The following LRP1 variants were observed in gnomAD, a reference collection of about 807,000 sequenced individuals.
LRP1 encodes LDL receptor related protein 1.
In LRP1, 51 loss-of-function variants were observed where a neutral mutation model predicts 541.5. The ratio of observed to expected loss-of-function variants is 0.09; its 90% CI spans 0.08 to 0.12. The LOEUF (loss-of-function observed/expected upper bound fraction) is 0.12, where lower values mean the gene tolerates loss of function less well. Among genes scored for constraint, LRP1 ranks in the 10% least tolerant of loss-of-function variants. The pLI is 1.00. For missense variants in LRP1, 3,878 were observed against 6,376.2 expected (o/e 0.61, Z 13.34); for synonymous variants, 2,219 against 2,470.8 (o/e 0.90, Z 3.02).
Position 57,128,648 on chromosome 12 carries a change from C to T in LRP1, c.-317C>T. ...TCCTCCCAATTGTGCATTTTTGCAG[C>T]CGGAGGCGGCTCCGAGATGGGGCTG... On this transcript the variant is annotated 5_prime_UTR_variant, in exon 1 of 89. Coordinates refer to ENST00000243077, the MANE Select transcript of LRP1 (RefSeq NM_002332.3). 1 of 412,296 alleles carries T rather than the reference C, an allele frequency of 2.4e-6. No individual in the cohort carries two copies. Among genetic ancestry groups the T allele is most frequent in the Non-Finnish European group, 4.3e-6 (1 of 232,788 alleles). The allele number at this position is 412,296 out of a possible 1,614,324, so 25.5% of individuals were successfully genotyped here. A position where few individuals can be genotyped will look rare whatever the true frequency, so the allele number is the denominator to read the frequency against.
At position 57,194,560 on chromosome 12, in the gene LRP1, C is replaced by T. The variant is rs1213598741; in HGVS notation, c.8069-17C>T. The T allele has an allele frequency of 6.2e-7, 1 of 1,612,504 alleles. No homozygotes were observed. Among genetic ancestry groups the T allele is most frequent in the African/African-American group, 1.3e-5 (1 of 74,912 alleles). On this transcript the variant is annotated splice_polypyrimidine_tract_variant and intron_variant, in intron 49 of 88. Coordinates refer to ENST00000243077, the MANE Select transcript of LRP1 (RefSeq NM_002332.3). ...GCCTGCGGTGAGCAGGGCCCTCACA[C>T]CTGCCTCGCCCCCCAGGTGTGAAAC...
At position 57,156,715 on chromosome 12, in the gene LRP1, C is replaced by T; in HGVS notation, c.1418-62C>T. ...AGGGGGTGTGGTCAGATTCAGGAAG[C>T]CTTCTCAAGGCCTGGCACAGGGGCT... On this transcript the variant is annotated intron_variant, in intron 9 of 88. Transcript: ENST00000243077. The surrounding 1 kb of genome is among the most constrained non-coding windows in gnomAD (Gnocchi z 5.2). 1.3e-6 allele frequency: 2 copies of T among 1,518,964 alleles called. No homozygotes were observed. The highest frequency in any genetic ancestry group is 2.3e-5 in the East Asian group (1 of 43,524). The allele number at this position is 1,518,964 out of a possible 1,614,324, so 94.1% of individuals were successfully genotyped here.
At chr12:57,192,742 A>G (rs1235018961) in intron 44 of LRP1, 103 bp from the exon 45 acceptor site, 3 of 1,500,456 alleles carry the variant, frequency 2.0e-6, no homozygotes, top group Non-Finnish European at 2.8e-6. Context: ...GACTGAGCAG[A>G]GGCTTGGGAG....
Position 57,197,373 on chromosome 12 carries a change from T to C in LRP1, c.9151T>C (p.Leu3051=), listed in dbSNP as rs781396034. 1 of 1,612,774 alleles carries C rather than the reference T, an allele frequency of 6.2e-7. No individual in the cohort carries two copies. The highest frequency in any genetic ancestry group is 8.5e-7 in the Non-Finnish European group (1 of 1,179,148). The part of the protein sequence containing the change: ...KLNLDGSNYT[L]LKQGLNNAVA... ...CAACCTGGACGGGTCCAACTACACG[T>C]TACTTAAGCAGGTACCAAACCCAGG... The change falls in exon 57 of 89, where the codon TTA becomes CTA. Residue 3051 remains leucine, a synonymous_variant. Coordinates refer to ENST00000243077, the MANE Select transcript of LRP1 (RefSeq NM_002332.3). This position sits in a 1 kb window ranked among gnomAD's most constrained non-coding sequence, Gnocchi z 4.5.
intron 1 of LRP1, among the ~76,000 whole-genome samples, chr12:57,137,849 A>G (rs4367982): frequency 0.38 from 56,751 of 151,148 alleles, 10,898 homozygotes; most frequent in Admixed American, 0.47. Context: ...TACCCTGCCC[A>G]TTCCTGCCCA....
chr12:57,211,489 G>A lies in LRP1; in HGVS notation c.13094G>A (p.Cys4365Tyr), dbSNP rs2036914627. 6.2e-7 allele frequency: 1 copy of A among 1,613,528 alleles called. No individual in the cohort carries two copies. The highest frequency in any genetic ancestry group is 1.3e-5 in the African/African-American group (1 of 74,930). The change falls in exon 85 of 89, where the codon TGC becomes TAC. Residue 4365 changes from cysteine (C) to tyrosine (Y), a missense_variant and splice_region_variant. Cys to Tyr is a radical substitution (Grantham distance 194). Around this residue, in one of 13 missense-constraint regions of LRP1, gnomAD observed 871 missense variants for 1,212.4 expected, o/e 0.72. Transcript: ENST00000243077. The surrounding 1 kb of genome is among the most constrained non-coding windows in gnomAD (Gnocchi z 4.3). ...CAGCCTCTGATTCCTTCCTGCAGCT[G>A]CACGGATGGCCGGGTGGCCCCCAGC... The part of the protein sequence containing the change: ...NKQSGDVTCN[C>Y]TDGRVAPSCL...
intron 6 of LRP1, among the ~76,000 whole-genome samples, chr12:57,152,494 A>G (rs1167030794): frequency 6.6e-6 from 1 of 151,968 alleles, no homozygotes; most frequent in African/African-American, 2.4e-5. Flanking sequence ...TTTCCTTTGG[A>G]GGCAGCCCAG....
Position 57,211,054 on chromosome 12 carries a change from A to G in LRP1, c.12917-122A>G. 1.4e-6 allele frequency: 2 copies of G among 1,382,656 alleles called. No individual in the cohort carries two copies. The highest frequency in any genetic ancestry group is 2.0e-6 in the Non-Finnish European group (2 of 1,008,256). 85.6% of individuals were successfully genotyped at this position (1,382,656 alleles called of 1,614,324 possible). On this transcript the variant is annotated intron_variant, in intron 83 of 88. Transcript: ENST00000243077. This position sits in a 1 kb window ranked among gnomAD's most constrained non-coding sequence, Gnocchi z 4.3. ...CGCTTCCCCACAAAGGTGCTGGCAC[A>G]CTTCCCCTGAGGCAGTGCACCCCCT...
At chr12:57,143,146 C>T (rs958038197) in intron 3 of LRP1, among the ~76,000 whole-genome samples, 1 of 152,146 alleles carries the variant, frequency 6.6e-6, no homozygotes, top group Non-Finnish European at 1.5e-5. Context: ...ACCAGTTTTG[C>T]TCCTCCTTCC....
chr12:57,190,434 C>A (rs1053329417), intron 42 of LRP1, among the ~76,000 whole-genome samples: 14 of 152,236 alleles, frequency 9.2e-5, no homozygotes, highest in African/African-American at 3.4e-4. Flanking sequence ...AACTGAGGCA[C>A]AGGGCAGTTG....
At position 57,209,735 on chromosome 12, in the gene LRP1, C is replaced by G. The variant is rs776577505; in HGVS notation, c.12306C>G (p.Ile4102Met). Residue 4102 changes from isoleucine (I) to methionine (M), a missense_variant, in exon 80 of 89, where the codon ATC becomes ATG. Transcript: ENST00000243077. The stretch of plus-strand genomic sequence containing the variant: ...GCATCGACGTCTTTGAGGATTACAT[C>G]TATGGTGTCACCTACATCAATAATC... ...PFSIDVFEDY[I>M]YGVTYINNRV... 1 of 1,614,224 alleles carries G rather than the reference C, an allele frequency of 6.2e-7. No individual in the cohort carries two copies. Among genetic ancestry groups the G allele is most frequent in the South Asian group, 1.1e-5 (1 of 91,090 alleles).
In LRP1 at chr12:57,161,037, C is replaced by T. The variant is rs1280629993; in HGVS notation, c.2124C>T (p.Ile708=). 5 of 1,613,892 alleles carry T rather than the reference C, an allele frequency of 3.1e-6. No individual in the cohort carries two copies. The Admixed American group carries it at 6.7e-5, about 22-fold the overall frequency. Residue 708 remains isoleucine (I), a synonymous_variant, in exon 13 of 89, where the codon ATC becomes ATT. Transcript: ENST00000243077. The stretch of plus-strand genomic sequence containing the variant: ...GGCCCAATGGGCTAAGCCTGGACAT[C>T]CCGGCTGGGCGCCTCTACTGGGTGG... ...VLWPNGLSLD[I]PAGRLYWVDA...
Position 57,176,030 on chromosome 12 carries a change from C to T in LRP1, c.3915C>T (p.His1305=), listed in dbSNP as rs1188308224. 6.2e-7 allele frequency: 1 copy of T among 1,614,234 alleles called. No individual in the cohort carries two copies. The highest frequency in any genetic ancestry group is 8.5e-7 in the Non-Finnish European group (1 of 1,180,042). The change falls in exon 24 of 89, where the codon CAC becomes CAT. Residue 1305 remains histidine, a synonymous_variant. Coordinates refer to ENST00000243077, the MANE Select transcript of LRP1 (RefSeq NM_002332.3). ...GCAACACCATCGCCCTGGACTTCCA[C>T]CTCAGCCAGAGCGCCCTCTACTGGA... The part of the protein sequence containing the change: ...GLRNTIALDF[H]LSQSALYWTD...
intron 44 of LRP1, among the ~76,000 whole-genome samples, chr12:57,192,617 C>G (rs2036437292): frequency 6.6e-6 from 1 of 152,226 alleles, no homozygotes; most frequent in Non-Finnish European, 1.5e-5. Flanking sequence ...GGTGCCCTGC[C>G]TAAAAGCACA....
At chr12:57,129,140 A>C in intron 1 of LRP1, 109 bp downstream of exon 1, 1 of 1,186,418 alleles carries the variant, frequency 8.4e-7, no homozygotes, top group Non-Finnish European at 1.2e-6. Flanking sequence ...GCCTTTTGTT[A>C]TCCCAGTCCA....
In LRP1 at chr12:57,209,199, G is replaced by A; in HGVS notation, c.12262G>A (p.Gly4088Ser). The change falls in exon 79 of 89, where the codon GGC (glycine) becomes AGC (serine). Residue 4088 changes from glycine to serine, a missense_variant and splice_region_variant. Physicochemically the swap from Gly to Ser is moderately conservative, Grantham distance 56. Transcript: ENST00000243077. ...CATTGTGGCTGCTGACAGCAAACGA[G>A]GTCAGAGCCCGGCATAAGTCGCAGT... Reference protein sequence around the residue: ...DPIVAADSKRGLSHPFSIDVF... With the variant: ...DPIVAADSKRSLSHPFSIDVF... 6.8e-6 allele frequency: 11 copies of A among 1,613,086 alleles called. No individual in the cohort carries two copies. Among genetic ancestry groups the A allele is most frequent in the Non-Finnish European group, 9.3e-6 (11 of 1,179,252 alleles).
Position 57,167,525 on chromosome 12 carries a change from G to A in LRP1, c.2995+1G>A. ...AACATCAACTGGAGATGCGACAATG[G>A]TAAGAGCTTGCTCTCCTCACCTGCT... On this transcript the variant is annotated splice_donor_variant, in intron 19 of 88. Transcript: ENST00000243077. LOFTEE classifies it high-confidence loss of function. 1 of 1,613,204 alleles carries A rather than the reference G, an allele frequency of 6.2e-7. No individual in the cohort carries two copies. Among genetic ancestry groups the A allele is most frequent in the Non-Finnish European group, 8.5e-7 (1 of 1,179,160 alleles).
Position 57,163,047 on chromosome 12 carries a change from G to A in LRP1, c.2530+64G>A, listed in dbSNP as rs35791804. The A allele has an allele frequency of 4.8e-3, 7,337 of 1,527,510 alleles. 321 individuals carry two copies. In the African/African-American group the frequency reaches 0.088, roughly 18 times the overall value. The allele number at this position is 1,527,510 out of a possible 1,614,324, so 94.6% of individuals were successfully genotyped here. On this transcript the variant is annotated intron_variant, in intron 15 of 88. Coordinates refer to ENST00000243077, the MANE Select transcript of LRP1 (RefSeq NM_002332.3). ...CCCATCAGGAGGATGCCGAAGAGTG[G>A]GGAGGGGAGGATCCAGGGTCCCAGT...
At chr12:57,171,396 G>A (rs559462706) in intron 20 of LRP1, among the ~76,000 whole-genome samples, 22 of 152,278 alleles carry the variant, frequency 1.4e-4, no homozygotes, top group Middle Eastern at 3.4e-3. Flanking sequence ...GAATGCTGTC[G>A]TCAAGACTTA....
Sources: gnomAD v4.1 joint callset for allele counts (sites outside exome capture counted in the v4.1 genomes callset) on GRCh38, gnomAD v4.1.1 for gene constraint, gnomAD v4.1.1 regional missense constraint, Gnocchi (gnomAD v3.1) non-coding constraint, MANE v1.5 for transcripts, NCBI Gene and HGNC (gene_info 2026-07-23, HGNC 2026-07-21) for gene names.